The following RALYL variants were observed in gnomAD, a reference collection of about 807,000 sequenced individuals.
The protein encoded by RALYL is RNA-binding Raly-like protein.
Under a neutral mutation model 35.1 loss-of-function variants are expected in RALYL, and 29 were observed. The observed-to-expected ratio is 0.83, with a 90% CI of 0.61 to 1.13. The LOEUF (loss-of-function observed/expected upper bound fraction) is 1.13, where lower values mean the gene tolerates loss of function less well. RALYL is among the 50% of genes most tolerant of loss of function. The probability of loss-of-function intolerance (pLI) is 0.00; values close to 1 mark genes in which losing one functional copy is unlikely to be tolerated. For missense variants in RALYL, 359 were observed against 360.4 expected (o/e 1.00, Z 0.03); for synonymous variants, 120 against 127.6 (o/e 0.94, Z 0.40).
At chr8:84,573,160 T>A (rs935470423) in intron 2 of RALYL, among the ~76,000 whole-genome samples, 3 of 151,454 alleles carry the variant, frequency 2.0e-5, no homozygotes, top group South Asian at 4.1e-4. Flanking sequence ...TAAATAAATT[T>A]AAAAAATTTT....
At chr8:84,767,347 C>T (rs750121735) in intron 2 of RALYL, among the ~76,000 whole-genome samples, 19 of 152,018 alleles carry the variant, frequency 1.2e-4, no homozygotes, top group Admixed American at 9.2e-4. Context: ...CAAAAATTGG[C>T]TAAATTTTTG....
intron 2 of RALYL, among the ~76,000 whole-genome samples, chr8:84,724,186 A>T (rs1844515985): frequency 6.6e-6 from 1 of 151,826 alleles, no homozygotes; most frequent in Non-Finnish European, 1.5e-5. Flanking sequence ...GAGCCATAAT[A>T]TTATTGTCAG....
intron 2 of RALYL, 66 bp from the exon 3 acceptor site, chr8:84,774,513 A>G: frequency 9.7e-7 from 1 of 1,028,360 alleles, no homozygotes; most frequent in Non-Finnish European, 1.5e-6. Flanking sequence ...ATAAAAGTTC[A>G]TGATTTACTT....
chr8:84,845,907 T>C (rs1422699027), intron 4 of RALYL, among the ~76,000 whole-genome samples: 1 of 152,196 alleles, frequency 6.6e-6, no homozygotes. Context: ...CCTTTCCTTA[T>C]TGCTTAGTTT....
chr8:84,348,987 G>A (rs1402483784), intron 1 of RALYL, among the ~76,000 whole-genome samples: 1 of 150,156 alleles, frequency 6.7e-6, no homozygotes, highest in Non-Finnish European at 1.5e-5. Flanking sequence ...AACAGGCTGG[G>A]TAGGGAAGAG....
intron 2 of RALYL, among the ~76,000 whole-genome samples, chr8:84,724,296 AC>A (rs1248927051): frequency 6.6e-6 from 1 of 151,794 alleles, no homozygotes; most frequent in Non-Finnish European, 1.5e-5. Flanking sequence ...CAATTTAAGA[AC>A]TTTACATTGT....
chr8:84,624,541 A>AG (rs1378087787), intron 2 of RALYL, among the ~76,000 whole-genome samples: 2 of 152,138 alleles, frequency 1.3e-5, no homozygotes, highest in African/African-American at 4.8e-5. Context: ...CACTTAGAAA[A>AG]GGTTCTCTGC....
chr8:84,459,342 A>T (rs1450862017), intron 1 of RALYL, among the ~76,000 whole-genome samples: 1 of 151,860 alleles, frequency 6.6e-6, no homozygotes, highest in Non-Finnish European at 1.5e-5. Context: ...CGAATAGGAA[A>T]TAAAAGGAAA....
At chr8:84,184,971 C>A in intron 1 of RALYL, 2 of 1,613,718 alleles carry the variant, frequency 1.2e-6, no homozygotes, top group Non-Finnish European at 1.7e-6. Context: ...GGCCCTCGCA[C>A]GCTCAACTCC....
intron 1 of RALYL, among the ~76,000 whole-genome samples, chr8:84,387,525 C>G (rs1563832083): frequency 1.3e-5 from 2 of 151,930 alleles, no homozygotes; most frequent in Non-Finnish European, 2.9e-5. Context: ...CTGCCTCCAG[C>G]TCTGCATTGC....
At chr8:84,568,920 T>G (rs1037014387) in intron 2 of RALYL, among the ~76,000 whole-genome samples, 7 of 151,640 alleles carry the variant, frequency 4.6e-5, no homozygotes, top group East Asian at 1.9e-4. Flanking sequence ...TAAATTTGTT[T>G]GAGTTCATTG....
At chr8:84,722,285 A>T (rs912736925) in intron 2 of RALYL, among the ~76,000 whole-genome samples, 24 of 151,782 alleles carry the variant, frequency 1.6e-4, no homozygotes, top group African/African-American at 5.6e-4. Flanking sequence ...TGGTAATTTA[A>T]AAAAAAAGAT....
At chr8:84,900,046 TAA>T (rs921243602) in intron 8 of RALYL, among the ~76,000 whole-genome samples, 1 of 151,954 alleles carries the variant, frequency 6.6e-6, no homozygotes, top group African/African-American at 2.4e-5. Context: ...TTTGAGATGT[TAA>T]GAGTATTGTG....
rs79418074 is a variant in RALYL at position 84,481,242 on chromosome 8, T to A, written c.-23-48057T>A. Among the ~76,000 whole-genome samples, 7 of 152,116 alleles carry A rather than the reference T, an allele frequency of 4.6e-5. No homozygotes were observed. The East Asian group carries it at 7.7e-4, about 17-fold the overall frequency. ...CACTAGATTACATAGAAATACAATTTTTTTTGTATATTGACTTTGCATCCT... is the reference window on the plus strand; with the variant it reads ...CACTAGATTACATAGAAATACAATTATTTTTGTATATTGACTTTGCATCCT... On this transcript the variant is annotated intron_variant, in intron 1 of 8. Transcript: ENST00000521268.
intron 1 of RALYL, among the ~76,000 whole-genome samples, chr8:84,419,470 A>C (rs2045188991): frequency 1.3e-5 from 2 of 151,928 alleles, no homozygotes; most frequent in Non-Finnish European, 2.9e-5. Flanking sequence ...ACTTGTCTTC[A>C]TCTAATAATT....
intron 2 of RALYL, among the ~76,000 whole-genome samples, chr8:84,754,971 G>C (rs889058534): frequency 6.6e-6 from 1 of 152,162 alleles, no homozygotes; most frequent in Non-Finnish European, 1.5e-5. Context: ...GCCCAAGTTT[G>C]CAGTCTTACA....
At chr8:84,558,512 C>G (rs2061278213) in intron 2 of RALYL, among the ~76,000 whole-genome samples, 2 of 152,118 alleles carry the variant, frequency 1.3e-5, no homozygotes, top group East Asian at 3.9e-4. Context: ...CATTTAAGAA[C>G]AATTTTTAAA....
At chr8:84,572,149 G>T in intron 2 of RALYL, among the ~76,000 whole-genome samples, 1 of 151,720 alleles carries the variant, frequency 6.6e-6, no homozygotes. Context: ...AGTTGAGTCT[G>T]TTTGTGTCTT....
At chr8:84,387,581 C>A (rs1859514663) in intron 1 of RALYL, among the ~76,000 whole-genome samples, 1 of 151,752 alleles carries the variant, frequency 6.6e-6, no homozygotes, top group Non-Finnish European at 1.5e-5. Context: ...GTAATCAGTG[C>A]CTCTGTCAAT....
Sources: allele counts gnomAD v4.1 joint callset (sites outside exome capture counted in the v4.1 genomes callset), GRCh38; gene constraint gnomAD v4.1.1; transcripts MANE v1.5; gene names NCBI Gene and HGNC (gene_info 2026-07-23, HGNC 2026-07-21).